WDR26: variants seen among roughly 807,000 people sequenced by gnomAD.
WDR26 encodes the protein WD repeat-containing protein 26.
WDR26 carries 5 observed loss-of-function variants against 84.1 expected under a neutral mutation model. The ratio of observed to expected loss-of-function variants is 0.06; its 90% CI spans 0.03 to 0.13. The LOEUF (loss-of-function observed/expected upper bound fraction) is 0.13. Ranked by LOEUF, WDR26 falls within the 10% of genes least tolerant of loss-of-function variation. The pLI, the probability that WDR26 is intolerant of heterozygous loss-of-function variation, is 1.00. For synonymous variants in WDR26, 415 were observed against 389.6 expected (o/e 1.07, Z -0.77); for missense variants, 642 against 974.9 (o/e 0.66, Z 4.55).
At chr1:224,431,396 T>A in intron 3 of WDR26, 81 bp downstream of exon 3, 2 of 1,274,476 alleles carry the variant, frequency 1.6e-6, no homozygotes, top group East Asian at 5.0e-5. Context: ...CTTATTTTTT[T>A]ATAAGAGGCA....
In WDR26 at chr1:224,389,607, A is replaced by G; in HGVS notation, c.*228T>C. 1.7e-6 allele frequency: 1 copy of G among 594,560 alleles called. No homozygotes were observed. The allele number at this position is 594,560 out of a possible 1,614,324, so 36.8% of individuals were successfully genotyped here. On this transcript the variant is annotated 3_prime_UTR_variant, in exon 14 of 14. Transcript: ENST00000414423. ...ACAGTTCTTCACAACCGATGGGGGAATAATTCAACATGGTGTCCAACAACG... is the reference window on the plus strand; with the variant it reads ...ACAGTTCTTCACAACCGATGGGGGAGTAATTCAACATGGTGTCCAACAACG...
intron 1 of WDR26, among the ~76,000 whole-genome samples, chr1:224,432,983 C>T (rs1018825920): frequency 1.3e-5 from 2 of 152,158 alleles, no homozygotes; most frequent in Non-Finnish European, 2.9e-5. Context: ...ATCAGATGTC[C>T]CCTTTTCAGA....
At chr1:224,393,709 A>G in intron 13 of WDR26, 119 bp downstream of exon 13, 2 of 838,888 alleles carry the variant, frequency 2.4e-6, no homozygotes, top group Non-Finnish European at 3.5e-6. Context: ...ACAATATGTA[A>G]AAGAGAGAAA....
intron 7 of WDR26, among the ~76,000 whole-genome samples, chr1:224,407,133 A>AT (rs1673590920): frequency 5.5e-5 from 1 of 18,310 alleles, no homozygotes; most frequent in African/African-American, 1.5e-4. Flanking sequence ...AAAAAAAAAA[A>AT]AAAAAAAAAA....
intron 4 of WDR26, among the ~76,000 whole-genome samples, chr1:224,422,939 A>T (rs935503661): frequency 3.9e-5 from 6 of 152,338 alleles, no homozygotes; most frequent in Admixed American, 1.3e-4. Flanking sequence ...AACTGGGTTG[A>T]AGATCTTGCG....
chr1:224,409,141 T>C (rs1673662521), intron 7 of WDR26, among the ~76,000 whole-genome samples: 1 of 152,194 alleles, frequency 6.6e-6, no homozygotes, highest in Non-Finnish European at 1.5e-5. Context: ...AGAGAAATCT[T>C]ACATCTTTTC....
In WDR26 at chr1:224,386,986, C is replaced by A. The variant is rs1179810359; in HGVS notation, c.*2849G>T. ...AAGTCCAACATTTTACCATTAATAA[C>A]CAATTATTTGGAGGAAAAAGACATT... On this transcript the variant is annotated 3_prime_UTR_variant, in exon 14 of 14. Coordinates refer to ENST00000414423, the MANE Select transcript of WDR26 (RefSeq NM_001379403.1). The A allele has an allele frequency of 3.3e-5, 5 of 152,488 alleles. No homozygotes were observed. Among genetic ancestry groups the A allele is most frequent in the Non-Finnish European group, 7.4e-5 (5 of 67,992 alleles). The allele number at this position is 152,488 out of a possible 1,614,324, so 9.4% of individuals were successfully genotyped here. A position where few individuals can be genotyped will look rare whatever the true frequency, so the allele number is the denominator to read the frequency against.
chr1:224,434,067 GCCA>G lies in WDR26; in HGVS notation c.336_338del (p.Gly125del), dbSNP rs1421242465. 90 of 1,447,770 alleles carry G rather than the reference GCCA, an allele frequency of 6.2e-5. 1 individual carries two copies. The Middle Eastern group carries it at 1.2e-3, about 20-fold the overall frequency. 89.7% of individuals were successfully genotyped at this position (1,447,770 alleles called of 1,614,324 possible). A position where few individuals can be genotyped will look rare whatever the true frequency, so the allele number is the denominator to read the frequency against. The stretch of plus-strand genomic sequence containing the variant: ...CCCCTCCTCCTCCACCGCCGCCGCC[GCCA>G]CCTCCTCCTCCTCCTCCTGCCCCAT... On this transcript the variant is annotated inframe_deletion, in exon 1 of 14. Transcript: ENST00000414423.
In WDR26 at chr1:224,434,247, A is replaced by G; in HGVS notation, c.159T>C (p.Pro53=). The change falls in exon 1 of 14, where the codon CCT becomes CCC. Residue 53 remains proline (P), a synonymous_variant. Transcript: ENST00000414423. ...AGGAGGACGAGGACGACGAGGACGG[A>G]GGGGAGAGGCCTGCTCTGCCTGCCG... The G allele has an allele frequency of 7.3e-7, 1 of 1,370,910 alleles. No homozygotes were observed. Among genetic ancestry groups the G allele is most frequent in the Non-Finnish European group, 9.4e-7 (1 of 1,066,296 alleles). The allele number at this position is 1,370,910 out of a possible 1,614,324, so 84.9% of individuals were successfully genotyped here. A position where few individuals can be genotyped will look rare whatever the true frequency, so the allele number is the denominator to read the frequency against.
At chr1:224,432,775 C>A (rs572429049) in intron 1 of WDR26, among the ~76,000 whole-genome samples, 1 of 152,112 alleles carries the variant, frequency 6.6e-6, no homozygotes, top group Non-Finnish European at 1.5e-5. Flanking sequence ...TGCACGTCCT[C>A]CCCCCTTCAT....
At chr1:224,399,139 T>G (rs1401564734) in intron 9 of WDR26, 105 bp from the exon 10 acceptor site, 1 of 1,132,732 alleles carries the variant, frequency 8.8e-7, no homozygotes, top group African/African-American at 1.6e-5. Flanking sequence ...AACAGGTTTT[T>G]TTTTTTTCCT....
intron 6 of WDR26, among the ~76,000 whole-genome samples, chr1:224,415,931 A>G (rs1401457652): frequency 2.0e-5 from 3 of 152,228 alleles, no homozygotes; most frequent in African/African-American, 7.2e-5. Context: ...ACTGAATGTG[A>G]AAGAGGTATT....
intron 5 of WDR26, among the ~76,000 whole-genome samples, chr1:224,418,771 C>T (rs1673977801): frequency 6.6e-6 from 1 of 152,188 alleles, no homozygotes; most frequent in Non-Finnish European, 1.5e-5. Flanking sequence ...AGTAAAATCT[C>T]CACTTAACAA....
chr1:224,393,787 T>C, intron 13 of WDR26, 41 bp downstream of exon 13: 1 of 1,430,684 alleles, frequency 7.0e-7, no homozygotes. Flanking sequence ...GAGTGATGTT[T>C]CATTTGGACA....
At chr1:224,426,241 A>G (rs1674207170) in intron 3 of WDR26, among the ~76,000 whole-genome samples, 1 of 152,228 alleles carries the variant, frequency 6.6e-6, no homozygotes, top group African/African-American at 2.4e-5. Context: ...TGCAGAATTA[A>G]CAGTATAATA....
intron 1 of WDR26, 82 bp downstream of exon 1, chr1:224,433,602 C>CT: frequency 2.0e-6 from 1 of 500,636 alleles, no homozygotes; most frequent in Non-Finnish European, 3.3e-6. Flanking sequence ...AGCCCCCCTC[C>CT]CCCCTCCGCC....
intron 5 of WDR26, 193 bp downstream of exon 5, chr1:224,419,325 C>A: frequency 1.9e-6 from 1 of 540,518 alleles, no homozygotes; most frequent in Admixed American, 3.1e-5. Flanking sequence ...TGCTCTGGAA[C>A]CAGTGCCCTT....
intron 13 of WDR26, among the ~76,000 whole-genome samples, chr1:224,390,415 C>G (rs1673092139): frequency 6.6e-6 from 1 of 152,220 alleles, no homozygotes; most frequent in Non-Finnish European, 1.5e-5. Context: ...GCCACCGTGC[C>G]TAGCCTCAGA....
chr1:224,408,868 T>C (rs1301446183), intron 7 of WDR26, among the ~76,000 whole-genome samples: 1 of 151,566 alleles, frequency 6.6e-6, no homozygotes, highest in Non-Finnish European at 1.5e-5. Flanking sequence ...TCACAGGAAT[T>C]TTAAACCTGA....
Sources: allele counts gnomAD v4.1 joint callset (sites outside exome capture counted in the v4.1 genomes callset), GRCh38; gene constraint gnomAD v4.1.1; transcripts MANE v1.5; gene names NCBI Gene and HGNC (gene_info 2026-07-23, HGNC 2026-07-21).